The following ADARB2 variants were observed in gnomAD, a reference collection of about 807,000 sequenced individuals.
The protein encoded by ADARB2 is adenosine deaminase RNA specific B2 (inactive).
A neutral mutation model predicts 62.2 loss-of-function variants in ADARB2; 25 were observed. The observed-to-expected ratio is 0.40, with a 90% confidence interval of 0.29 to 0.56. The LOEUF is 0.56. Among genes scored for constraint, ADARB2 ranks in the 20% least tolerant of loss-of-function variants. The pLI is 0.43. For missense variants in ADARB2, 1,071 were observed against 1,077.4 expected (o/e 0.99, Z 0.08); for synonymous variants, 572 against 500.8 (o/e 1.14, Z -1.90).
intron 3 of ADARB2, among the ~76,000 whole-genome samples, chr10:1,328,816 A>G (rs1831900901): frequency 6.6e-6 from 1 of 151,962 alleles, no homozygotes; most frequent in Non-Finnish European, 1.5e-5. Context: ...ACATAGTGAG[A>G]CACCCGACTC....
chr10:1,453,795 G>A (rs1167862286), intron 1 of ADARB2, among the ~76,000 whole-genome samples: 2 of 152,130 alleles, frequency 1.3e-5, no homozygotes, highest in Non-Finnish European at 2.9e-5. Context: ...CCAAAACTGC[G>A]AGTTACCGCC....
intron 1 of ADARB2, among the ~76,000 whole-genome samples, chr10:1,703,225 G>A (rs1340258738): frequency 2.0e-5 from 3 of 152,200 alleles, no homozygotes; most frequent in East Asian, 3.9e-4. Flanking sequence ...CATGGGTGGA[G>A]GGCATGGGCA....
chr10:1,686,633 C>G lies in ADARB2; in HGVS notation c.100+50418G>C, dbSNP rs546455476. ...GCTTCCGGCACACAATTAGCTGATG[C>G]CATGGTGCACCCTGGCTTGTCTCTC... is the stretch of plus-strand genomic sequence containing the variant. On this transcript the variant is annotated intron_variant, in intron 1 of 9. Coordinates refer to ENST00000381312, the MANE Select transcript of ADARB2 (RefSeq NM_018702.4). Among the ~76,000 whole-genome samples, 9 of 152,240 alleles carry G rather than the reference C, an allele frequency of 5.9e-5. No individual in the cohort carries two copies. In the South Asian group the frequency reaches 1.9e-3, roughly 32 times the overall value.
intron 4 of ADARB2, 94 bp from the exon 5 acceptor site, chr10:1,242,393 G>A (rs1205760750): frequency 1.4e-6 from 2 of 1,408,404 alleles, no homozygotes; most frequent in Non-Finnish European, 1.9e-6. Flanking sequence ...CGGTTTCCCT[G>A]GGTTAGGAAA....
At chr10:1,284,677 G>A (rs1046094421) in intron 3 of ADARB2, among the ~76,000 whole-genome samples, 1 of 152,178 alleles carries the variant, frequency 6.6e-6, no homozygotes, top group Non-Finnish European at 1.5e-5. Flanking sequence ...GCAGAAATGG[G>A]GTTGTTTCAG....
In ADARB2 at chr10:1,246,655, C is replaced by G. The variant is rs113212852; in HGVS notation, c.1193-4356G>C. On this transcript the variant is annotated intron_variant, in intron 4 of 9. Transcript: ENST00000381312. ...CAAAGATCAGATAGTTGTAGATATG[C>G]GGCGTTATTTCTGAGGGCTCTGTTC... Among the ~76,000 whole-genome samples the G allele has an allele frequency of 1.5e-3, 131 of 89,310 alleles. 34 individuals carry two copies. In the South Asian group the frequency reaches 0.039, roughly 27 times the overall value. The allele number at this position is 89,310 out of a possible 152,430, so 58.6% of individuals were successfully genotyped here.
At chr10:1,490,296 A>C (rs1385255552) in intron 1 of ADARB2, among the ~76,000 whole-genome samples, 2 of 152,204 alleles carry the variant, frequency 1.3e-5, no homozygotes, top group African/African-American at 4.8e-5. Flanking sequence ...TATAGATTAT[A>C]TGGAAATAAT....
At chr10:1,351,479 T>A (rs1051724341) in intron 3 of ADARB2, among the ~76,000 whole-genome samples, 3 of 151,806 alleles carry the variant, frequency 2.0e-5, no homozygotes, top group African/African-American at 4.8e-5. Flanking sequence ...CTTTTAGTTA[T>A]CCCCACCTGC....
chr10:1,708,015 C>A (rs1834910638), intron 1 of ADARB2, among the ~76,000 whole-genome samples: 1 of 152,152 alleles, frequency 6.6e-6, no homozygotes, highest in African/African-American at 2.4e-5. Flanking sequence ...AGACCCAGGT[C>A]CCTTCAGGAA....
intron 1 of ADARB2, among the ~76,000 whole-genome samples, chr10:1,609,199 A>G (rs1227648291): frequency 6.6e-6 from 1 of 152,190 alleles, no homozygotes; most frequent in Non-Finnish European, 1.5e-5. Context: ...AATGTGCCGC[A>G]GGGCTGCTGC....
chr10:1,670,845 C>T lies in ADARB2; in HGVS notation c.100+66206G>A, dbSNP rs549819329. Reference sequence around the variant, plus strand: ...CAGGAGCAGGAGCAGGTGATTAGGACGTCTGCGCAGGAGCCGTGGCAAAAA... The same window carrying T: ...CAGGAGCAGGAGCAGGTGATTAGGATGTCTGCGCAGGAGCCGTGGCAAAAA... On this transcript the variant is annotated intron_variant, in intron 1 of 9. Transcript: ENST00000381312. 3.4e-3 allele frequency among the ~76,000 whole-genome samples: 524 copies of T among 152,268 alleles called. 4 individuals are homozygous for T. The highest frequency in any genetic ancestry group is 0.012 in the African/African-American group (496 of 41,550).
At chr10:1,377,400 G>A (rs1832443244) in intron 2 of ADARB2, among the ~76,000 whole-genome samples, 1 of 142,636 alleles carries the variant, frequency 7.0e-6, no homozygotes. Context: ...TGCGCTCCTG[G>A]GTTGTGTGTG....
At chr10:1,676,543 T>C (rs751420324) in intron 1 of ADARB2, among the ~76,000 whole-genome samples, 13 of 152,212 alleles carry the variant, frequency 8.5e-5, no homozygotes, top group Non-Finnish European at 1.9e-4. Flanking sequence ...ATTTTTATTT[T>C]TGAGATAGGA....
chr10:1,377,269 C>T (rs1832441254), intron 2 of ADARB2, among the ~76,000 whole-genome samples: 1 of 125,150 alleles, frequency 8.0e-6, no homozygotes, highest in Non-Finnish European at 1.6e-5. Context: ...TTTGTGTGTG[C>T]CCCTGGGGTG....
chr10:1,688,840 G>A (rs944320951), intron 1 of ADARB2, among the ~76,000 whole-genome samples: 1 of 152,150 alleles, frequency 6.6e-6, no homozygotes. Flanking sequence ...TTCTACTTCT[G>A]TTACCTAAGC....
At chr10:1,432,583 C>T (rs181191007) in intron 1 of ADARB2, among the ~76,000 whole-genome samples, 143 of 150,190 alleles carry the variant, frequency 9.5e-4, no homozygotes, top group African/African-American at 3.0e-3. Flanking sequence ...AGTCCCAAGT[C>T]GAAAAGTTCC....
At chr10:1,397,843 C>T (rs1250883753) in intron 1 of ADARB2, among the ~76,000 whole-genome samples, 10 of 91,896 alleles carry the variant, frequency 1.1e-4, no homozygotes, top group African/African-American at 4.1e-4. Flanking sequence ...TCACCATCAG[C>T]CTCTCCCCTC....
chr10:1,393,756 C>T (rs1832589329), intron 1 of ADARB2, among the ~76,000 whole-genome samples: 1 of 152,222 alleles, frequency 6.6e-6, no homozygotes, highest in African/African-American at 2.4e-5. Context: ...TGTGCCCTTC[C>T]AGATGTGAGC....
chr10:1,416,766 A>C (rs12772297), intron 1 of ADARB2, among the ~76,000 whole-genome samples: 100,313 of 152,160 alleles, frequency 0.66, 35,483 homozygotes, highest in Middle Eastern at 0.82. Context: ...CTCAGTCTCC[A>C]TGAGAGCCAG....
Sources: gnomAD v4.1 joint callset for allele counts (sites outside exome capture counted in the v4.1 genomes callset) on GRCh38, gnomAD v4.1.1 for gene constraint, MANE v1.5 for transcripts, NCBI Gene and HGNC (gene_info 2026-07-23, HGNC 2026-07-21) for gene names.